GALNT17: variants seen among roughly 807,000 people sequenced by gnomAD.
The protein encoded by GALNT17 is polypeptide N-acetylgalactosaminyltransferase 17.
A neutral mutation model predicts 63.7 loss-of-function variants in GALNT17; 29 were observed. That is an observed-to-expected ratio of 0.46 (90% confidence interval 0.34 to 0.62). GALNT17 has a LOEUF of 0.62. Ranked by LOEUF, GALNT17 falls within the 20% of genes least tolerant of loss-of-function variation. The pLI is 0.01. For missense variants in GALNT17, 603 were observed against 799.6 expected (o/e 0.75, Z 2.97); for synonymous variants, 305 against 318.3 (o/e 0.96, Z 0.45).
chr7:71,489,974 C>T (rs1787979086), intron 5 of GALNT17, among the ~76,000 whole-genome samples: 1 of 151,990 alleles, frequency 6.6e-6, no homozygotes, highest in East Asian at 1.9e-4. Flanking sequence ...GCCTGTGCAA[C>T]ATGGTGAGAC....
rs191976552 is a variant in GALNT17 at position 71,509,401 on chromosome 7, G to A, written c.963-61884G>A. Reference sequence around the variant, plus strand: ...GGGGATGTAACCCCAAGCATAAGTGGAGGAGTGTCTGTATACTCAAGCTAA... The same window carrying A: ...GGGGATGTAACCCCAAGCATAAGTGAAGGAGTGTCTGTATACTCAAGCTAA... On this transcript the variant is annotated intron_variant, in intron 5 of 10. Coordinates refer to ENST00000333538, the MANE Select transcript of GALNT17 (RefSeq NM_022479.3). 8.9e-4 allele frequency among the ~76,000 whole-genome samples: 136 copies of A among 152,328 alleles called. 1 individual carries two copies. Among genetic ancestry groups the A allele is most frequent in the Non-Finnish European group, 1.2e-3 (84 of 68,034 alleles).
intron 1 of GALNT17, among the ~76,000 whole-genome samples, chr7:71,255,882 G>A (rs534549312): frequency 6.6e-6 from 1 of 152,252 alleles, no homozygotes; most frequent in Non-Finnish European, 1.5e-5. Flanking sequence ...CTGTCCTCTC[G>A]GCCAAGGGCA....
chr7:71,428,400 T>C (rs140354734), intron 5 of GALNT17, among the ~76,000 whole-genome samples: 1 of 152,254 alleles, frequency 6.6e-6, no homozygotes, highest in African/African-American at 2.4e-5. Flanking sequence ...ATGAGGTTCA[T>C]TCATGCATCA....
At chr7:71,484,543 C>A (rs1787877403) in intron 5 of GALNT17, among the ~76,000 whole-genome samples, 1 of 152,158 alleles carries the variant, frequency 6.6e-6, no homozygotes, top group Non-Finnish European at 1.5e-5. Context: ...TTATGACTGG[C>A]TGATGAGTAG....
chr7:71,220,811 C>G (rs371359587), intron 1 of GALNT17, among the ~76,000 whole-genome samples: 2 of 152,106 alleles, frequency 1.3e-5, no homozygotes, highest in East Asian at 1.9e-4. Context: ...AGAATGAAAC[C>G]AACCCTGCTG....
At chr7:71,709,579 T>TTG (rs1562744989) in intron 9 of GALNT17, among the ~76,000 whole-genome samples, 2 of 26,532 alleles carry the variant, frequency 7.5e-5, no homozygotes, top group African/African-American at 1.4e-4. Flanking sequence ...AGTTTTTGGG[T>TTG]TTTTTTTTTT....
intron 5 of GALNT17, among the ~76,000 whole-genome samples, chr7:71,451,779 C>T (rs892961930): frequency 1.3e-5 from 2 of 152,026 alleles, no homozygotes; most frequent in African/African-American, 4.8e-5. Flanking sequence ...TGTTTAATTC[C>T]AGACTTTCTT....
At chr7:71,553,839 G>A (rs962431737) in intron 5 of GALNT17, among the ~76,000 whole-genome samples, 1 of 152,196 alleles carries the variant, frequency 6.6e-6, no homozygotes, top group Non-Finnish European at 1.5e-5. Flanking sequence ...TTGACAGGCT[G>A]TTATTTGTTA....
At chr7:71,616,220 C>G (rs975046034) in intron 6 of GALNT17, among the ~76,000 whole-genome samples, 1 of 151,884 alleles carries the variant, frequency 6.6e-6, no homozygotes, top group African/African-American at 2.4e-5. Context: ...GTTCGAGTAC[C>G]CTAGGGTGGG....
chr7:71,509,430 C>G (rs577218272), intron 5 of GALNT17, among the ~76,000 whole-genome samples: 5 of 152,230 alleles, frequency 3.3e-5, no homozygotes, highest in Non-Finnish European at 7.3e-5. Context: ...AAGCTAACCC[C>G]TATCTCTGTT....
At position 71,567,654 on chromosome 7, in the gene GALNT17, G is replaced by A. The variant is rs6951036; in HGVS notation, c.963-3631G>A. ...TAATTTTTGTATCTTTAGTAGAGACGGGGTGTCACCATGTTGGTCAGGCTG... is the reference window on the plus strand; with the variant it reads ...TAATTTTTGTATCTTTAGTAGAGACAGGGTGTCACCATGTTGGTCAGGCTG... On this transcript the variant is annotated intron_variant, in intron 5 of 10. Transcript: ENST00000333538. Among the ~76,000 whole-genome samples, 1,173 of 152,176 alleles carry A rather than the reference G, an allele frequency of 7.7e-3. 11 individuals are homozygous for A. Among genetic ancestry groups the A allele is most frequent in the African/African-American group, 0.026 (1,098 of 41,502 alleles).
chr7:71,145,987 C>T (rs1011680705), intron 1 of GALNT17, among the ~76,000 whole-genome samples: 4 of 151,876 alleles, frequency 2.6e-5, no homozygotes, highest in East Asian at 1.9e-4. Context: ...ATTACAGGCG[C>T]GAGCCACCGT....
intron 5 of GALNT17, among the ~76,000 whole-genome samples, chr7:71,425,797 T>C (rs1786749410): frequency 6.6e-6 from 1 of 152,146 alleles, no homozygotes; most frequent in Non-Finnish European, 1.5e-5. Flanking sequence ...GTATTAGTTC[T>C]TGCCCTGCTG....
intron 3 of GALNT17, among the ~76,000 whole-genome samples, chr7:71,409,017 A>ACACAAACAC (rs374011039): frequency 1.4e-5 from 2 of 144,868 alleles, no homozygotes; most frequent in Admixed American, 7.0e-5. Flanking sequence ...CACATACACA[A>ACACAAACAC]ACACACACAC....
intron 1 of GALNT17, among the ~76,000 whole-genome samples, chr7:71,304,406 C>G (rs1402203599): frequency 6.6e-6 from 1 of 152,162 alleles, no homozygotes; most frequent in Non-Finnish European, 1.5e-5. Flanking sequence ...TTGTCTCTTC[C>G]CCTTTGCCCC....
At chr7:71,350,508 AT>A (rs1792171154) in intron 2 of GALNT17, among the ~76,000 whole-genome samples, 3 of 152,356 alleles carry the variant, frequency 2.0e-5, no homozygotes, top group Admixed American at 6.5e-5. Flanking sequence ...TAGAAAAAAA[AT>A]AAAAATAAAA....
chr7:71,370,445 T>C, intron 2 of GALNT17, among the ~76,000 whole-genome samples: 1 of 152,100 alleles, frequency 6.6e-6, no homozygotes, highest in East Asian at 1.9e-4. Flanking sequence ...ACTACAGGTG[T>C]GTGCCACCCA....
chr7:71,210,236 C>A (rs150490787), intron 1 of GALNT17, among the ~76,000 whole-genome samples: 1 of 152,138 alleles, frequency 6.6e-6, no homozygotes, highest in Non-Finnish European at 1.5e-5. Context: ...GACTGGCCCC[C>A]ATGATTCAAT....
At chr7:71,626,462 C>G (rs1232651444) in intron 6 of GALNT17, among the ~76,000 whole-genome samples, 5 of 152,188 alleles carry the variant, frequency 3.3e-5, no homozygotes, top group Non-Finnish European at 7.3e-5. Context: ...CCCTAGCAGA[C>G]TATACACACT....
Sources: gnomAD v4.1 joint callset for allele counts (sites outside exome capture counted in the v4.1 genomes callset) on GRCh38, gnomAD v4.1.1 for gene constraint, MANE v1.5 for transcripts, NCBI Gene and HGNC (gene_info 2026-07-23, HGNC 2026-07-21) for gene names.